RASGEF1C: variants seen among roughly 807,000 people sequenced by gnomAD.
The protein encoded by RASGEF1C is ras-GEF domain-containing family member 1C.
Under a neutral mutation model 58.1 loss-of-function variants are expected in RASGEF1C, and 27 were observed. The ratio of observed to expected loss-of-function variants is 0.46; its 90% CI spans 0.34 to 0.64. RASGEF1C has a LOEUF of 0.64. RASGEF1C is among the 30% of genes least tolerant of loss of function. The pLI is 0.01. For synonymous variants in RASGEF1C, 243 were observed against 246.3 expected (o/e 0.99, Z 0.13); for missense variants, 502 against 605.1 (o/e 0.83, Z 1.79).
intron 1 of RASGEF1C, among the ~76,000 whole-genome samples, chr5:180,184,913 A>G (rs536703168): frequency 4.3e-4 from 65 of 152,372 alleles, no homozygotes; most frequent in Non-Finnish European, 6.3e-4. Context: ...AAGAACTGAT[A>G]GAACTGCGAG....
intron 1 of RASGEF1C, among the ~76,000 whole-genome samples, chr5:180,171,438 C>A (rs969841629): frequency 2.6e-5 from 4 of 152,138 alleles, no homozygotes; most frequent in African/African-American, 9.7e-5. Flanking sequence ...GATGGGAGAC[C>A]CCGCAGTGAC....
At position 180,199,704 on chromosome 5, in the gene RASGEF1C, C is replaced by CTCCT. The variant is rs557568684; in HGVS notation, c.-7+9320_-7+9323dup. The stretch of plus-strand genomic sequence containing the variant: ...CCCTTCCCCTCCCCTCCCTCCCTCC[C>CTCCT]TCCTTCCTTCCTTCTTTCCCGGATG... On this transcript the variant is annotated intron_variant, in intron 1 of 13. Transcript: ENST00000361132. Among the ~76,000 whole-genome samples, 182 of 151,010 alleles carry CTCCT rather than the reference C, an allele frequency of 1.2e-3. 2 individuals are homozygous for CTCCT. In the East Asian group the frequency reaches 0.027, roughly 22 times the overall value.
At chr5:180,169,909 C>T (rs530857662) in intron 1 of RASGEF1C, among the ~76,000 whole-genome samples, 11 of 152,124 alleles carry the variant, frequency 7.2e-5, no homozygotes, top group Non-Finnish European at 1.5e-4. Context: ...TCCCCCTGGG[C>T]TCCCTGCTCC....
chr5:180,109,118 T>C (rs1765913955), intron 12 of RASGEF1C, among the ~76,000 whole-genome samples: 1 of 152,182 alleles, frequency 6.6e-6, no homozygotes, highest in African/African-American at 2.4e-5. Context: ...AATGCCCAAG[T>C]TCCATGAAGA....
intron 4 of RASGEF1C, among the ~76,000 whole-genome samples, chr5:180,130,302 T>C (rs998956653): frequency 7.2e-5 from 11 of 152,154 alleles, no homozygotes; most frequent in African/African-American, 2.2e-4. Context: ...AGGGGGCCCA[T>C]GGAAGGAACG....
chr5:180,178,246 T>C (rs1767263150), intron 1 of RASGEF1C, among the ~76,000 whole-genome samples: 1 of 148,794 alleles, frequency 6.7e-6, no homozygotes, highest in Non-Finnish European at 1.5e-5. Flanking sequence ...GTGCTGGGAT[T>C]ACACGTGTGA....
At chr5:180,121,557 C>T (rs549836604) in intron 6 of RASGEF1C, among the ~76,000 whole-genome samples, 1 of 152,186 alleles carries the variant, frequency 6.6e-6, no homozygotes, top group Non-Finnish European at 1.5e-5. Flanking sequence ...TCGTGATCCG[C>T]CCACCTCGGC....
intron 3 of RASGEF1C, 52 bp from the exon 4 acceptor site, chr5:180,136,567 T>C (rs1349973407): frequency 3.3e-6 from 5 of 1,529,012 alleles, no homozygotes; most frequent in Non-Finnish European, 4.4e-6. Flanking sequence ...GGTGGGCACG[T>C]GAGCCTCACT....
chr5:180,151,825 A>G (rs527686029), intron 1 of RASGEF1C, among the ~76,000 whole-genome samples: 2,676 of 151,160 alleles, frequency 0.018, 40 homozygotes, highest in Admixed American at 0.027. Flanking sequence ...CTCATCGGAC[A>G]AAGGGCTAAT....
chr5:180,112,427 G>A (rs1406720906), intron 11 of RASGEF1C, among the ~76,000 whole-genome samples: 3 of 152,192 alleles, frequency 2.0e-5, no homozygotes, highest in Non-Finnish European at 4.4e-5. Flanking sequence ...CACAGCCCAC[G>A]GAGGCCATGC....
intron 1 of RASGEF1C, among the ~76,000 whole-genome samples, chr5:180,167,679 C>G (rs541748004): frequency 6.6e-6 from 1 of 152,340 alleles, no homozygotes; most frequent in South Asian, 2.1e-4. Flanking sequence ...TTTCAAGTCT[C>G]TGTCCGATAA....
At chr5:180,114,386 C>T in intron 11 of RASGEF1C, 60 bp downstream of exon 11, 1 of 1,530,248 alleles carries the variant, frequency 6.5e-7, no homozygotes, top group Non-Finnish European at 9.0e-7. Flanking sequence ...GCCAGTGGTC[C>T]TGCCCTGGGA....
In RASGEF1C at chr5:180,143,543, G is replaced by T. The variant is rs1299121433; in HGVS notation, c.-6-5485C>A. Among the ~76,000 whole-genome samples the T allele has an allele frequency of 6.6e-6, 1 of 152,208 alleles. No individual in the cohort carries two copies. The highest frequency in any genetic ancestry group is 1.5e-5 in the Non-Finnish European group (1 of 68,026). On this transcript the variant is annotated intron_variant, in intron 1 of 13. Transcript: ENST00000361132. The surrounding 1 kb of genome is among the most constrained non-coding windows in gnomAD (Gnocchi z 4.3). ...GGGGCTGGCAGAAGGTGGGCCGGCT[G>T]TACCAGTGAAAACCCACAAGCTCTG...
chr5:180,125,114 AAG>A (rs1220627998), intron 6 of RASGEF1C, among the ~76,000 whole-genome samples: 1 of 151,960 alleles, frequency 6.6e-6, no homozygotes, highest in Non-Finnish European at 1.5e-5. Context: ...GCCTGGGAAA[AAG>A]AGCAAGACTC....
At chr5:180,179,176 C>T (rs770402585) in intron 1 of RASGEF1C, among the ~76,000 whole-genome samples, 1 of 152,032 alleles carries the variant, frequency 6.6e-6, no homozygotes, top group Non-Finnish European at 1.5e-5. Flanking sequence ...GGGAGGGTGG[C>T]GTGCATGGGC....
chr5:180,162,993 C>G (rs535890116), intron 1 of RASGEF1C, among the ~76,000 whole-genome samples: 1 of 152,102 alleles, frequency 6.6e-6, no homozygotes, highest in Non-Finnish European at 1.5e-5. Flanking sequence ...CTGGGAGTAG[C>G]TATAGCAAAC....
At position 180,156,176 on chromosome 5, in the gene RASGEF1C, C is replaced by A. The variant is rs954862823; in HGVS notation, c.-6-18118G>T. On this transcript the variant is annotated intron_variant, in intron 1 of 13. Transcript: ENST00000361132. The surrounding 1 kb of genome is among the most constrained non-coding windows in gnomAD (Gnocchi z 4.9). The stretch of plus-strand genomic sequence containing the variant: ...CCCTTACTTTTCTTTGTAGTTCCAC[C>A]TGTGTATTTATCCCCAAATACCCTG... 2.0e-5 allele frequency among the ~76,000 whole-genome samples: 3 copies of A among 152,174 alleles called. No homozygotes were observed. The highest frequency in any genetic ancestry group is 7.2e-5 in the African/African-American group (3 of 41,442).
intron 4 of RASGEF1C, among the ~76,000 whole-genome samples, chr5:180,135,821 C>T (rs1766461664): frequency 6.6e-6 from 1 of 152,254 alleles, no homozygotes; most frequent in Non-Finnish European, 1.5e-5. Flanking sequence ...GTCCCCTCCT[C>T]TGCCCCTACC....
intron 1 of RASGEF1C, among the ~76,000 whole-genome samples, chr5:180,161,140 T>C (rs1766937801): frequency 6.6e-6 from 1 of 152,234 alleles, no homozygotes; most frequent in African/African-American, 2.4e-5. Flanking sequence ...GGGACTCTTC[T>C]TCTGGACCTT....
Sources: gnomAD v4.1 joint callset for allele counts (sites outside exome capture counted in the v4.1 genomes callset) on GRCh38, gnomAD v4.1.1 for gene constraint, Gnocchi (gnomAD v3.1) non-coding constraint, MANE v1.5 for transcripts, NCBI Gene and HGNC (gene_info 2026-07-23, HGNC 2026-07-21) for gene names.